The following GLP2R variants were observed in gnomAD, a reference collection of about 807,000 sequenced individuals.
GLP2R encodes the protein glucagon-like peptide 2 receptor.
Under a neutral mutation model 68.2 loss-of-function variants are expected in GLP2R, and 59 were observed. That is an observed-to-expected ratio of 0.87 (90% CI 0.70 to 1.07). GLP2R has a LOEUF of 1.07. GLP2R is among the 50% of genes least tolerant of loss of function. The pLI is 0.00. For missense variants in GLP2R, 548 were observed against 677.4 expected, an observed-to-expected ratio of 0.81 and a Z score of 2.12; for synonymous variants, 270 against 265.4, an observed-to-expected ratio of 1.02 and a Z score of -0.17.
Position 9,868,328 on chromosome 17 carries a change from A to G in GLP2R, c.1057-2419A>G, listed in dbSNP as rs542893322. Among the ~76,000 whole-genome samples the G allele has an allele frequency of 1.4e-3, 209 of 152,272 alleles. 1 individual carries two copies. The highest frequency in any genetic ancestry group is 4.6e-3 in the African/African-American group (192 of 41,558). On this transcript the variant is annotated intron_variant, in intron 9 of 12. Transcript: ENST00000262441. Reference sequence around the variant, plus strand: ...GGTAGATGGAAGAGTTTAGGGGTAGATGAGGCCTACCCCTGAGCTCCCGCT... The same window carrying G: ...GGTAGATGGAAGAGTTTAGGGGTAGGTGAGGCCTACCCCTGAGCTCCCGCT...
intron 9 of GLP2R, among the ~76,000 whole-genome samples, chr17:9,867,320 C>T (rs936268270): frequency 2.0e-5 from 3 of 152,182 alleles, no homozygotes; most frequent in Non-Finnish European, 4.4e-5. Context: ...ATTTGCTGAC[C>T]AGCATCTGGG....
intron 1 of GLP2R, among the ~76,000 whole-genome samples, chr17:9,832,541 G>A (rs1490870596): frequency 6.6e-6 from 1 of 151,910 alleles, no homozygotes; most frequent in Non-Finnish European, 1.5e-5. Context: ...CAGCCTGGGT[G>A]ACAGAGGGAG....
Position 9,889,954 on chromosome 17 carries a change from C to G in GLP2R, c.*249C>G, listed in dbSNP as rs2067277473. On this transcript the variant is annotated 3_prime_UTR_variant, in exon 13 of 13. Coordinates refer to ENST00000262441, the MANE Select transcript of GLP2R (RefSeq NM_004246.3). Reference sequence around the variant, plus strand: ...CCAGTGTGTTTTCCACAATGCCCACCAGACCCTAGGGCCTGGCTCTAAATT... The same window carrying G: ...CCAGTGTGTTTTCCACAATGCCCACGAGACCCTAGGGCCTGGCTCTAAATT... 1 of 576,784 alleles carries G rather than the reference C, an allele frequency of 1.7e-6. No homozygotes were observed. The highest frequency in any genetic ancestry group is 2.2e-5 in the Admixed American group (1 of 46,004). 35.7% of individuals were successfully genotyped at this position (576,784 alleles called of 1,614,324 possible).
chr17:9,866,979 C>A (rs565274579), intron 9 of GLP2R: 31 of 152,268 alleles, frequency 2.0e-4, no homozygotes, highest in Admixed American at 1.8e-3. Flanking sequence ...TAAAATAAAT[C>A]TTTATTGTGT....
intron 3 of GLP2R, among the ~76,000 whole-genome samples, chr17:9,837,513 G>A (rs2066744172): frequency 6.6e-6 from 1 of 152,180 alleles, no homozygotes; most frequent in Non-Finnish European, 1.5e-5. Context: ...TGTTAGATGG[G>A]GAAGAAGGAT....
intron 11 of GLP2R, among the ~76,000 whole-genome samples, chr17:9,882,194 C>T (rs1411455749): frequency 6.6e-6 from 1 of 152,202 alleles, no homozygotes; most frequent in South Asian, 2.1e-4. Context: ...AAACTAGCAG[C>T]TTCACTGAAG....
intron 12 of GLP2R, 138 bp downstream of exon 12, chr17:9,888,111 T>G: frequency 1.3e-6 from 1 of 773,512 alleles, no homozygotes. Context: ...AAATTTGTAT[T>G]GTGAGCTTCC....
chr17:9,886,952 A>G (rs915957322), intron 11 of GLP2R, among the ~76,000 whole-genome samples: 5 of 152,224 alleles, frequency 3.3e-5, no homozygotes, highest in Non-Finnish European at 7.3e-5. Context: ...AATATATCAG[A>G]CACACTGCCC....
chr17:9,854,642 G>A (rs748667124), intron 5 of GLP2R, 41 bp downstream of exon 5: 1 of 1,120,004 alleles, frequency 8.9e-7, no homozygotes, highest in Admixed American at 1.7e-5. Context: ...GGCAGGTATA[G>A]TAGCCCTCCT....
intron 11 of GLP2R, among the ~76,000 whole-genome samples, chr17:9,883,070 G>T (rs981191721): frequency 6.7e-6 from 1 of 149,540 alleles, no homozygotes; most frequent in Non-Finnish European, 1.5e-5. Context: ...ATCAGACAAA[G>T]ACTTCAAAGC....
intron 5 of GLP2R, among the ~76,000 whole-genome samples, chr17:9,855,775 G>T (rs968744975): frequency 3.3e-5 from 5 of 152,184 alleles, no homozygotes; most frequent in African/African-American, 1.2e-4. Context: ...CGGCTGGTGG[G>T]TGATGAAGCC....
At chr17:9,831,657 A>C (rs73976630) in intron 1 of GLP2R, among the ~76,000 whole-genome samples, 3,012 of 152,318 alleles carry the variant, frequency 0.02, 86 homozygotes, top group African/African-American at 0.069. Context: ...ACTTGGGACA[A>C]GGATGGCTGA....
chr17:9,827,025 C>T (rs1369199777), intron 1 of GLP2R, among the ~76,000 whole-genome samples: 1 of 152,096 alleles, frequency 6.6e-6, no homozygotes, highest in Non-Finnish European at 1.5e-5. Flanking sequence ...GTACGTGCCA[C>T]CACCCGGCTA....
chr17:9,827,677 C>T (rs1040888675), intron 1 of GLP2R, among the ~76,000 whole-genome samples: 5 of 152,054 alleles, frequency 3.3e-5, no homozygotes, highest in South Asian at 2.1e-4. Context: ...TAAGGAATGG[C>T]TCAGACTGGG....
At position 9,826,191 on chromosome 17, in the gene GLP2R, G is replaced by GCT. The variant is rs1384113833; in HGVS notation, c.135_136dup (p.Trp46SerfsTer40). The GCT allele has an allele frequency of 6.2e-7, 1 of 1,613,394 alleles. No homozygotes were observed. The highest frequency in any genetic ancestry group is 1.3e-5 in the African/African-American group (1 of 74,918). On this transcript the variant is annotated frameshift_variant, in exon 1 of 13. Coordinates refer to ENST00000262441, the MANE Select transcript of GLP2R (RefSeq NM_004246.3). LOFTEE classifies it high-confidence loss of function. ...AGTCCTCTCTCCTTCCACAGGAAGT[G>GCT]CTCTCTCTGGGCCCCTGGGAGGCCC... is the stretch of plus-strand genomic sequence containing the variant.
chr17:9,870,542 T>C (rs1290729595), intron 9 of GLP2R, among the ~76,000 whole-genome samples: 1 of 152,182 alleles, frequency 6.6e-6, no homozygotes, highest in Non-Finnish European at 1.5e-5. Flanking sequence ...GAGATTCAGA[T>C]GGCCTTTGGG....
At chr17:9,861,617 G>A (rs904558044) in intron 8 of GLP2R, among the ~76,000 whole-genome samples, 2 of 152,180 alleles carry the variant, frequency 1.3e-5, no homozygotes, top group African/African-American at 4.8e-5. Flanking sequence ...AAGCAAGTTC[G>A]TTATTATGGG....
At chr17:9,841,061 G>A (rs2152033294) in intron 3 of GLP2R, among the ~76,000 whole-genome samples, 1 of 146,720 alleles carries the variant, frequency 6.8e-6, no homozygotes, top group Non-Finnish European at 1.5e-5. Context: ...CTGTCACCCA[G>A]GCTAGAATGC....
At position 9,826,299 on chromosome 17, in the gene GLP2R, T is replaced by C. The variant is rs922089694; in HGVS notation, c.189+47T>C. Reference sequence around the variant, plus strand: ...TATTATTATCAGTTGTATTTCCTGATTTTTTTTTAAAGAAGCAATTTAGGC... The same window carrying C: ...TATTATTATCAGTTGTATTTCCTGACTTTTTTTTAAAGAAGCAATTTAGGC... On this transcript the variant is annotated intron_variant, in intron 1 of 12. Coordinates refer to ENST00000262441, the MANE Select transcript of GLP2R (RefSeq NM_004246.3). The C allele has an allele frequency of 2.3e-6, 3 of 1,310,362 alleles. No homozygotes were observed. The African/African-American group carries it at 4.5e-5, about 20-fold the overall frequency. 81.2% of individuals were successfully genotyped at this position (1,310,362 alleles called of 1,614,324 possible).
Sources: gnomAD v4.1 joint callset for allele counts (sites outside exome capture counted in the v4.1 genomes callset) on GRCh38, gnomAD v4.1.1 for gene constraint, MANE v1.5 for transcripts, NCBI Gene and HGNC (gene_info 2026-07-23, HGNC 2026-07-21) for gene names.